PCGF3: variants seen among roughly 807,000 people sequenced by gnomAD.
The protein encoded by PCGF3 is polycomb group ring finger 3.
Under a neutral mutation model 33.1 loss-of-function variants are expected in PCGF3, and 7 were observed. The ratio of observed to expected loss-of-function variants is 0.21; its 90% CI spans 0.12 to 0.40. The LOEUF is 0.40. Among genes scored for constraint, PCGF3 ranks in the 10% least tolerant of loss-of-function variants. The pLI is 1.00. For synonymous variants in PCGF3, 153 were observed against 121.3 expected (o/e 1.26, Z -1.72); for missense variants, 211 against 313.3 (o/e 0.67, Z 2.46).
In PCGF3 at chr4:717,270, G is replaced by A. The variant is rs562130951; in HGVS notation, c.-190+11300G>A. Among the ~76,000 whole-genome samples, 6 of 119,690 alleles carry A rather than the reference G, an allele frequency of 5.0e-5. No homozygotes were observed. The East Asian group carries it at 1.1e-3, about 21-fold the overall frequency. 78.5% of individuals were successfully genotyped at this position (119,690 alleles called of 152,430 possible). On this transcript the variant is annotated intron_variant, in intron 1 of 10. Coordinates refer to ENST00000362003, the Ensembl canonical transcript of PCGF3. The stretch of plus-strand genomic sequence containing the variant: ...ACACTGAATGTGAGAACTGAGCGTC[G>A]GTGCTGGGACCCTGTAGACACTGAA...
chr4:736,482 ATGCAGGGAACCCGGGGTGTC>A (rs1743830662), intron 5 of PCGF3, among the ~76,000 whole-genome samples: 4 of 150,458 alleles, frequency 2.7e-5, no homozygotes, highest in Non-Finnish European at 5.9e-5. Flanking sequence ...AGCGCATAGG[ATGCAGGGAACCCGGGGTGTC>A]CGCAGGGACG....
chr4:766,148 A>T, exon 11 of PCGF3: 1 of 1,305,296 alleles, frequency 7.7e-7, no homozygotes, highest in Non-Finnish European at 1.1e-6. Flanking sequence ...CGCGCTTAAG[A>T]ACATTGCCTC....
intron 1 of PCGF3, among the ~76,000 whole-genome samples, chr4:727,781 T>G (rs1356314788): frequency 1.3e-5 from 2 of 151,838 alleles, no homozygotes; most frequent in African/African-American, 4.9e-5. Flanking sequence ...CCTCTGTGTT[T>G]CCTGGTGAGG....
chr4:769,651 C>T (rs1745538116), exon 11 of PCGF3: 1 of 152,600 alleles, frequency 6.6e-6, no homozygotes, highest in South Asian at 2.1e-4. Flanking sequence ...CCTCACCCTC[C>T]AGGTGTCCTT....
At chr4:725,359 A>C (rs1474999623) in intron 1 of PCGF3, 1 of 153,918 alleles carries the variant, frequency 6.5e-6, no homozygotes, top group Middle Eastern at 3.3e-3. Flanking sequence ...ATAAATTAAG[A>C]CCTAATGAGA....
intron 8 of PCGF3, among the ~76,000 whole-genome samples, chr4:753,710 G>C (rs1744633905): frequency 6.6e-6 from 1 of 151,928 alleles, no homozygotes; most frequent in Non-Finnish European, 1.5e-5. Flanking sequence ...TACTTTGGGA[G>C]GCTGAGGCGG....
At chr4:749,500 T>TTTTTTTTTTTTA (rs1744419120) in intron 8 of PCGF3, among the ~76,000 whole-genome samples, 1 of 115,544 alleles carries the variant, frequency 8.7e-6, no homozygotes, top group Non-Finnish European at 1.9e-5. Flanking sequence ...TTTTTTTTTT[T>TTTTTTTTTTTTA]GAGACAGTCT....
Position 765,067 on chromosome 4 carries a change from G to A in PCGF3, c.681+3G>A. 1.2e-6 allele frequency: 2 copies of A among 1,601,640 alleles called. No homozygotes were observed. The highest frequency in any genetic ancestry group is 1.7e-6 in the Non-Finnish European group (2 of 1,168,676). ...TTGTCACTAGGTGGAGATTCAAGGT[G>A]AGACACGTGATTTGATTTTCAGAGT... On this transcript the variant is annotated splice_donor_region_variant and intron_variant, in intron 10 of 10. Transcript: ENST00000362003.
intron 8 of PCGF3, among the ~76,000 whole-genome samples, chr4:756,075 A>C (rs2335171): frequency 6.6e-6 from 1 of 151,490 alleles, no homozygotes; most frequent in African/African-American, 2.4e-5. Context: ...CACCATACCC[A>C]GCTAATTTTT....
intron 8 of PCGF3, among the ~76,000 whole-genome samples, chr4:749,968 C>G (rs562354054): frequency 6.6e-6 from 1 of 152,278 alleles, no homozygotes; most frequent in Non-Finnish European, 1.5e-5. Context: ...CACCAGTTAA[C>G]TTTTTTAATT....
intron 9 of PCGF3, chr4:762,199 A>G (rs951849161): frequency 1.7e-6 from 1 of 600,824 alleles, no homozygotes; most frequent in East Asian, 1.4e-4. Context: ...AGATATAATT[A>G]AATAAAGGAT....
At chr4:743,029 A>T (rs1744160444) in intron 6 of PCGF3, among the ~76,000 whole-genome samples, 1 of 152,218 alleles carries the variant, frequency 6.6e-6, no homozygotes. Flanking sequence ...TGGCAGGTTC[A>T]TCTCTGAGCT....
intron 1 of PCGF3, among the ~76,000 whole-genome samples, chr4:726,840 CCT>C (rs1310188406): frequency 1.3e-5 from 2 of 152,334 alleles, no homozygotes; most frequent in South Asian, 2.1e-4. Flanking sequence ...CTTTTCACCC[CCT>C]GTCCAGTTTC....
chr4:711,353 C>T (rs1260976716), intron 1 of PCGF3, among the ~76,000 whole-genome samples: 4 of 151,766 alleles, frequency 2.6e-5, no homozygotes, highest in East Asian at 1.9e-4. Context: ...TTGGTGTATG[C>T]TGTTACTCTT....
At chr4:711,346 G>C (rs1016859396) in intron 1 of PCGF3, among the ~76,000 whole-genome samples, 2 of 152,018 alleles carry the variant, frequency 1.3e-5, no homozygotes, top group Admixed American at 1.3e-4. Flanking sequence ...TCTTGTTTTG[G>C]TGTATGCTGT....
intron 8 of PCGF3, among the ~76,000 whole-genome samples, chr4:755,337 A>G (rs1455374577): frequency 6.6e-6 from 1 of 151,824 alleles, no homozygotes; most frequent in African/African-American, 2.4e-5. Context: ...TGGGGTGTCC[A>G]GCGACTCATC....
At chr4:752,496 C>A (rs1202718750) in intron 8 of PCGF3, among the ~76,000 whole-genome samples, 1 of 152,244 alleles carries the variant, frequency 6.6e-6, no homozygotes, top group African/African-American at 2.4e-5. Flanking sequence ...TTTCCCCCAG[C>A]TGCTGCTTCC....
chr4:731,197 A>G (rs1285491555), intron 3 of PCGF3, 87 bp downstream of exon 3: 1 of 398,318 alleles, frequency 2.5e-6, no homozygotes, highest in Non-Finnish European at 4.4e-6. Flanking sequence ...GGCGATCATT[A>G]GGAGCCAGCT....
intron 2 of PCGF3, 130 bp downstream of exon 2, chr4:730,798 G>T (rs1007364287): frequency 6.5e-5 from 25 of 383,366 alleles, no homozygotes; most frequent in Non-Finnish European, 9.2e-5. Flanking sequence ...CTGAGGACAG[G>T]CTGGAGCCAT....
Sources: allele counts gnomAD v4.1 joint callset (sites outside exome capture counted in the v4.1 genomes callset), GRCh38; gene constraint gnomAD v4.1.1; transcripts MANE v1.5; gene names NCBI Gene and HGNC (gene_info 2026-07-23, HGNC 2026-07-21).